The following DAP variants were observed in gnomAD, a reference collection of about 807,000 sequenced individuals.
DAP encodes death associated protein.
In DAP, 8 loss-of-function variants were observed where a neutral mutation model predicts 13.8. The ratio of observed to expected loss-of-function variants is 0.58; its 90% CI spans 0.34 to 1.05. The LOEUF (loss-of-function observed/expected upper bound fraction) is 1.05. Among genes scored for constraint, DAP ranks in the 50% least tolerant of loss-of-function variants. The pLI is 0.03. For missense variants in DAP, 106 were observed against 133.2 expected (o/e 0.80, Z 1.01); for synonymous variants, 47 against 47.5 (o/e 0.99, Z 0.04).
intron 1 of DAP, among the ~76,000 whole-genome samples, chr5:10,752,301 A>C (rs908160370): frequency 4.6e-5 from 7 of 152,232 alleles, no homozygotes; most frequent in African/African-American, 1.7e-4. Flanking sequence ...AATAATAACA[A>C]TAATAACTCA....
intron 2 of DAP, among the ~76,000 whole-genome samples, chr5:10,711,024 C>A (rs1350508692): frequency 6.6e-6 from 1 of 152,174 alleles, no homozygotes; most frequent in Non-Finnish European, 1.5e-5. Flanking sequence ...GGCAGTGCAG[C>A]TAATAAATAA....
chr5:10,730,324 C>G (rs1229029828), intron 2 of DAP, among the ~76,000 whole-genome samples: 1 of 152,232 alleles, frequency 6.6e-6, no homozygotes, highest in Non-Finnish European at 1.5e-5. Flanking sequence ...CCAGGGAAAA[C>G]AGCTAAGGGC....
chr5:10,745,563 G>T (rs1344601373), intron 2 of DAP, among the ~76,000 whole-genome samples: 1 of 152,010 alleles, frequency 6.6e-6, no homozygotes, highest in Non-Finnish European at 1.5e-5. Flanking sequence ...TTCATCCTCT[G>T]GCATATTTAT....
At chr5:10,705,260 GGCTGA>G (rs1193378983) in intron 2 of DAP, among the ~76,000 whole-genome samples, 2 of 152,212 alleles carry the variant, frequency 1.3e-5, no homozygotes, top group Non-Finnish European at 2.9e-5. Flanking sequence ...ATGTATTAAA[GGCTGA>G]GTTGCAATTG....
Position 10,739,073 on chromosome 5 carries a change from G to T in DAP, c.152+9102C>A, listed in dbSNP as rs139027022. ...AAAAATTAGCCGAACGTGGTGGCAT[G>T]TGCCTGTAGTCCCAGCTGCTGGGGA... On this transcript the variant is annotated intron_variant, in intron 2 of 3. Transcript: ENST00000230895. 4.3e-3 allele frequency among the ~76,000 whole-genome samples: 653 copies of T among 152,034 alleles called. 7 individuals are homozygous for T. Among genetic ancestry groups the T allele is most frequent in the African/African-American group, 0.015 (612 of 41,464 alleles).
At position 10,726,128 on chromosome 5, in the gene DAP, A is replaced by G. The variant is rs143271765; in HGVS notation, c.152+22047T>C. ...TGCTTTCAAAATAGATTCAAGTCCC[A>G]TGGAAAAAAATGTTCAATTCTGCCT... On this transcript the variant is annotated intron_variant, in intron 2 of 3. Coordinates refer to ENST00000230895, the MANE Select transcript of DAP (RefSeq NM_004394.3). 2.7e-3 allele frequency among the ~76,000 whole-genome samples: 404 copies of G among 152,358 alleles called. 3 individuals are homozygous for G. Among genetic ancestry groups the G allele is most frequent in the African/African-American group, 9.4e-3 (392 of 41,590 alleles).
At chr5:10,741,807 A>AT (rs1739763503) in intron 2 of DAP, among the ~76,000 whole-genome samples, 1 of 152,234 alleles carries the variant, frequency 6.6e-6, no homozygotes. Flanking sequence ...TTTTTGTAGT[A>AT]TTTTTTGTGA....
At chr5:10,751,229 T>C (rs531858223) in intron 1 of DAP, among the ~76,000 whole-genome samples, 22 of 152,228 alleles carry the variant, frequency 1.4e-4, no homozygotes, top group African/African-American at 5.1e-4. Context: ...AGGAATTCCT[T>C]TCACTTCAAG....
chr5:10,711,958 G>A (rs1365261929), intron 2 of DAP, among the ~76,000 whole-genome samples: 2 of 152,216 alleles, frequency 1.3e-5, no homozygotes, highest in East Asian at 3.8e-4. Context: ...TGTTCTGGCT[G>A]AATTTCACCC....
rs1737957788 is a variant in DAP at position 10,680,563 on chromosome 5, T to C, written c.*493A>G. 9.1e-6 allele frequency: 6 copies of C among 660,304 alleles called. No homozygotes were observed. In the South Asian group the frequency reaches 1.2e-4, roughly 13 times the overall value. The allele number at this position is 660,304 out of a possible 1,614,324, so 40.9% of individuals were successfully genotyped here. On this transcript the variant is annotated 3_prime_UTR_variant, in exon 4 of 4. Transcript: ENST00000230895. ...GAGAGAGGGAAATTTGGCATTGCTGTTCCCTGCCTCTAAGGTCCTTTATGA... is the reference window on the plus strand; with the variant it reads ...GAGAGAGGGAAATTTGGCATTGCTGCTCCCTGCCTCTAAGGTCCTTTATGA...
intron 2 of DAP, among the ~76,000 whole-genome samples, chr5:10,738,972 G>A (rs191769326): frequency 2.0e-5 from 3 of 152,018 alleles, no homozygotes; most frequent in African/African-American, 4.8e-5. Context: ...GGAGGCTGAG[G>A]AGGGTGGATC....
At chr5:10,757,763 G>C (rs886434232) in intron 1 of DAP, among the ~76,000 whole-genome samples, 1 of 152,228 alleles carries the variant, frequency 6.6e-6, no homozygotes, top group African/African-American at 2.4e-5. Flanking sequence ...CCTGCGCACA[G>C]TACAGAGAGC....
intron 2 of DAP, among the ~76,000 whole-genome samples, chr5:10,700,045 C>T (rs567777401): frequency 3.3e-5 from 5 of 152,358 alleles, no homozygotes; most frequent in East Asian, 3.9e-4. Flanking sequence ...GGCACAACCT[C>T]GAGCATGAAG....
chr5:10,680,838 C>A lies in DAP; in HGVS notation c.*218G>T. 6.5e-7 allele frequency: 1 copy of A among 1,536,900 alleles called. No individual in the cohort carries two copies. The highest frequency in any genetic ancestry group is 8.7e-7 in the Non-Finnish European group (1 of 1,147,044). Reference sequence around the variant, plus strand: ...ATGGCACCTCTAGGGGCACAATGATCCTCAAATGACATCCAACCAGACTCC... The same window carrying A: ...ATGGCACCTCTAGGGGCACAATGATACTCAAATGACATCCAACCAGACTCC... On this transcript the variant is annotated 3_prime_UTR_variant, in exon 4 of 4. Coordinates refer to ENST00000230895, the MANE Select transcript of DAP (RefSeq NM_004394.3).
rs1470510702 is a variant in DAP, at chr5:10,680,951, T to C, written c.*105A>G. ...ACAGAGCACTTGGTTTTGCCTTAGATTTCCCAGCAGAGTAGGATTTGGGCG... is the reference window on the plus strand; with the variant it reads ...ACAGAGCACTTGGTTTTGCCTTAGACTTCCCAGCAGAGTAGGATTTGGGCG... On this transcript the variant is annotated 3_prime_UTR_variant, in exon 4 of 4. Coordinates refer to ENST00000230895, the MANE Select transcript of DAP (RefSeq NM_004394.3). 1 of 1,541,732 alleles carries C rather than the reference T, an allele frequency of 6.5e-7. No homozygotes were observed. Among genetic ancestry groups the C allele is most frequent in the Admixed American group, 2.0e-5 (1 of 51,014 alleles).
Position 10,736,823 on chromosome 5 carries a change from G to C in DAP, c.152+11352C>G, listed in dbSNP as rs139606790. ...ATCAGGCCTGCTTTTTATTCTGAGGGTCTTGCTGTACCTTCCTTACAGCTT... is the reference window on the plus strand; with the variant it reads ...ATCAGGCCTGCTTTTTATTCTGAGGCTCTTGCTGTACCTTCCTTACAGCTT... On this transcript the variant is annotated intron_variant, in intron 2 of 3. Coordinates refer to ENST00000230895, the MANE Select transcript of DAP (RefSeq NM_004394.3). Among the ~76,000 whole-genome samples, 1,136 of 152,230 alleles carry C rather than the reference G, an allele frequency of 7.5e-3. 13 individuals carry two copies. Among genetic ancestry groups the C allele is most frequent in the African/African-American group, 0.026 (1,092 of 41,562 alleles).
At chr5:10,715,283 G>A (rs1579801174) in intron 2 of DAP, among the ~76,000 whole-genome samples, 3 of 152,256 alleles carry the variant, frequency 2.0e-5, no homozygotes, top group Non-Finnish European at 2.9e-5. Context: ...TTGCACTAGG[G>A]AGTATTTGTG....
At chr5:10,739,633 A>C (rs1459175588) in intron 2 of DAP, among the ~76,000 whole-genome samples, 1 of 152,210 alleles carries the variant, frequency 6.6e-6, no homozygotes. Flanking sequence ...AGGGCAGGAA[A>C]ATAGACACAC....
chr5:10,704,915 G>A (rs1013018797), intron 2 of DAP, among the ~76,000 whole-genome samples: 11 of 152,146 alleles, frequency 7.2e-5, no homozygotes, highest in African/African-American at 2.7e-4. Context: ...GGACAAGCAC[G>A]TGGGTCCTCA....
Sources: gnomAD v4.1 joint callset for allele counts (sites outside exome capture counted in the v4.1 genomes callset) on GRCh38, gnomAD v4.1.1 for gene constraint, MANE v1.5 for transcripts, NCBI Gene and HGNC (gene_info 2026-07-23, HGNC 2026-07-21) for gene names.